The following SLC27A1 variants were observed in gnomAD, a reference collection of about 807,000 sequenced individuals.
SLC27A1 encodes the protein long-chain fatty acid transport protein 1.
In SLC27A1, 61 loss-of-function variants were observed where a neutral mutation model predicts 62.2. The observed-to-expected ratio is 0.98, with a 90% CI of 0.80 to 1.21. The LOEUF (loss-of-function observed/expected upper bound fraction) is 1.21. Ranked by LOEUF, SLC27A1 falls within the 50% of genes most tolerant of loss-of-function variation. SLC27A1 has a pLI of 0.00. For synonymous variants in SLC27A1, 435 were observed against 408.6 expected, an observed-to-expected ratio of 1.06 and a Z score of -0.78; for missense variants, 903 against 932.1, an observed-to-expected ratio of 0.97 and a Z score of 0.41.
intron 6 of SLC27A1, 82 bp downstream of exon 6, chr19:17,489,199 C>T (rs1300967433): frequency 3.5e-6 from 4 of 1,158,360 alleles, no homozygotes; most frequent in Non-Finnish European, 5.0e-6. Flanking sequence ...CACCTCCTCC[C>T]GGTGAGGCCC....
At chr19:17,480,995 G>A (rs2075172341) in intron 1 of SLC27A1, among the ~76,000 whole-genome samples, 2 of 151,092 alleles carry the variant, frequency 1.3e-5, no homozygotes, top group Non-Finnish European at 1.5e-5. Context: ...ACGCGATCTC[G>A]GCTCACCGCA....
rs778554121 is a variant in SLC27A1 at position 17,489,036 on chromosome 19, C to T, written c.915C>T (p.Leu305=). Residue 305 remains leucine, a synonymous_variant, in exon 6 of 12, where the codon CTC becomes CTT. Transcript: ENST00000252595. The stretch of plus-strand genomic sequence containing the variant: ...ACATCATCGGCGTGGGGCAGTGTCT[C>T]ATCTATGGGCTGACAGTCGTCCTCC... ...AGNIIGVGQC[L]IYGLTVVLRK... 23 of 1,614,014 alleles carry T rather than the reference C, an allele frequency of 1.4e-5. No individual in the cohort carries two copies. Among genetic ancestry groups the T allele is most frequent in the Non-Finnish European group, 1.9e-5 (23 of 1,180,022 alleles).
At chr19:17,469,427 C>T (rs2075051782), upstream of SLC27A1, among the ~76,000 whole-genome samples, 1 of 151,936 alleles carries the variant, frequency 6.6e-6, no homozygotes, top group South Asian at 2.1e-4. Flanking sequence ...ATTTTTGGTC[C>T]CCCGGGGTAG....
Position 17,486,318 on chromosome 19 carries a change from A to G in SLC27A1, c.168-245A>G, listed in dbSNP as rs1245556945. Among the ~76,000 whole-genome samples, 1 of 152,196 alleles carries G rather than the reference A, an allele frequency of 6.6e-6. No individual in the cohort carries two copies. The highest frequency in any genetic ancestry group is 1.5e-5 in the Non-Finnish European group (1 of 68,000). ...CCAGCTCCCCCAGGGCCACCAAGCC[A>G]GCTGGGGTATGGGGGAGGACAGGGT... On this transcript the variant is annotated intron_variant, in intron 1 of 11. Transcript: ENST00000252595. This position sits in a 1 kb window ranked among gnomAD's most constrained non-coding sequence, Gnocchi z 6.6.
intron 11 of SLC27A1, chr19:17,503,683 G>C (rs192814661): frequency 4.8e-4 from 73 of 151,918 alleles, no homozygotes; most frequent in African/African-American, 1.7e-3. Flanking sequence ...TGTAATCCCA[G>C]CATTTTGAGA....
rs2075193384 is a variant in SLC27A1, at chr19:17,482,917, G to T, written c.168-3646G>T. Among the ~76,000 whole-genome samples the T allele has an allele frequency of 2.0e-5, 3 of 152,284 alleles. No individual in the cohort carries two copies. In the South Asian group the frequency reaches 6.2e-4, roughly 32 times the overall value. On this transcript the variant is annotated intron_variant, in intron 1 of 11. Coordinates refer to ENST00000252595, the MANE Select transcript of SLC27A1 (RefSeq NM_198580.3). ...GCATAGATGCTAGAGATGCACAGAT[G>T]CTAGAGATGCACAGATGCACAGATC...
In SLC27A1 at chr19:17,477,240, C is replaced by CTTTTTTTTTTTTTTTTTTTTTTT. The variant is rs1221324202; in HGVS notation, c.167+6535_167+6557dup. ...TTATTGGTTGAATGGATGAGCAGCG[C>CTTTTTTTTTTTTTTTTTTTTTTT]TTTTTTTTTTTTTTTTTTTTTTTTG... On this transcript the variant is annotated intron_variant, in intron 1 of 11. Coordinates refer to ENST00000252595, the MANE Select transcript of SLC27A1 (RefSeq NM_198580.3). Among the ~76,000 whole-genome samples the CTTTTTTTTTTTTTTTTTTTTTTT allele has an allele frequency of 2.3e-4, 10 of 43,816 alleles. 2 individuals carry two copies. The highest frequency in any genetic ancestry group is 7.1e-4 in the Admixed American group (2 of 2,832). The allele number at this position is 43,816 out of a possible 152,430, so 28.7% of individuals were successfully genotyped here.
At chr19:17,480,347 A>C (rs2075163691) in intron 1 of SLC27A1, among the ~76,000 whole-genome samples, 1 of 151,428 alleles carries the variant, frequency 6.6e-6, no homozygotes, top group Non-Finnish European at 1.5e-5. Flanking sequence ...AAAATTTTTG[A>C]GACATATATT....
At chr19:17,483,626 C>G (rs531515525) in intron 1 of SLC27A1, among the ~76,000 whole-genome samples, 8 of 152,202 alleles carry the variant, frequency 5.3e-5, no homozygotes, top group East Asian at 1.9e-4. Context: ...ATGCTCTCCC[C>G]CAACAGACCC....
At chr19:17,487,034 A>G in intron 2 of SLC27A1, 77 bp downstream of exon 2, 5 of 1,539,764 alleles carry the variant, frequency 3.2e-6, no homozygotes, top group Non-Finnish European at 4.4e-6. Flanking sequence ...GCTGCGCCCC[A>G]GGCCTCGGAA....
intron 6 of SLC27A1, among the ~76,000 whole-genome samples, chr19:17,493,656 G>T (rs1479125933): frequency 6.7e-6 from 1 of 150,102 alleles, no homozygotes; most frequent in Non-Finnish European, 1.5e-5. Flanking sequence ...ACACAGTCTC[G>T]CTGCATCTCC....
chr19:17,480,541 C>CTTTTTTTTTTTTTTTTTTTT (rs3079223), intron 1 of SLC27A1, among the ~76,000 whole-genome samples: 1 of 111,776 alleles, frequency 8.9e-6, no homozygotes, highest in Non-Finnish European at 1.7e-5. Flanking sequence ...TAATTTTTTT[C>CTTTTTTTTTTTTTTTTTTTT]TTTTTTTTTT....
At chr19:17,490,200 G>A (rs972066802) in intron 6 of SLC27A1, 1 of 152,138 alleles carries the variant, frequency 6.6e-6, no homozygotes, top group Non-Finnish European at 1.5e-5. Context: ...TGCCCAGACT[G>A]GAGTGCAGTG....
chr19:17,490,560 T>C (rs1005435906), intron 6 of SLC27A1, among the ~76,000 whole-genome samples: 5 of 152,018 alleles, frequency 3.3e-5, no homozygotes, highest in Admixed American at 2.6e-4. Context: ...CCAGAGGCTA[T>C]CAGATACCCT....
intron 4 of SLC27A1, 143 bp from the exon 5 acceptor site, chr19:17,488,705 C>T (rs1305074421): frequency 2.2e-5 from 15 of 677,134 alleles, no homozygotes; most frequent in East Asian, 5.5e-5. Context: ...TTGTTGGTTG[C>T]GTGTTTCCTT....
At position 17,500,285 on chromosome 19, in the gene SLC27A1, C is replaced by A; in HGVS notation, c.1214C>A (p.Ser405Tyr). The A allele has an allele frequency of 6.2e-7, 1 of 1,614,058 alleles. No homozygotes were observed. Among genetic ancestry groups the A allele is most frequent in the Non-Finnish European group, 8.5e-7 (1 of 1,179,930 alleles). The change falls in exon 8 of 12, where the codon TCC becomes TAC. Residue 405 changes from serine to tyrosine, a missense_variant. Physicochemically the swap from Ser to Tyr is moderately radical, Grantham distance 144. Coordinates refer to ENST00000252595, the MANE Select transcript of SLC27A1 (RefSeq NM_198580.3). ...CAGTTCACCCCATTCCAGGTCGGCTCCTGTGGTTTCAACAGCCGCATCCTG... is the reference window on the plus strand; with the variant it reads ...CAGTTCACCCCATTCCAGGTCGGCTACTGTGGTTTCAACAGCCGCATCCTG... The part of the protein sequence containing the change: ...SIANMDGKVG[S>Y]CGFNSRILPH...
At chr19:17,472,058 T>G (rs2075081625) in intron 1 of SLC27A1, among the ~76,000 whole-genome samples, 1 of 152,208 alleles carries the variant, frequency 6.6e-6, no homozygotes, top group Non-Finnish European at 1.5e-5. Context: ...TGCTGAATTT[T>G]CCTGCTCAGC....
In SLC27A1 at chr19:17,505,375, T is replaced by C; in HGVS notation, c.*763T>C. 6.2e-6 allele frequency: 1 copy of C among 160,756 alleles called. No individual in the cohort carries two copies. Among genetic ancestry groups the C allele is most frequent in the Non-Finnish European group, 1.4e-5 (1 of 72,498 alleles). The allele number at this position is 160,756 out of a possible 1,614,324, so 10.0% of individuals were successfully genotyped here. A position where few individuals can be genotyped will look rare whatever the true frequency, so the allele number is the denominator to read the frequency against. On this transcript the variant is annotated 3_prime_UTR_variant, in exon 12 of 12. Coordinates refer to ENST00000252595, the MANE Select transcript of SLC27A1 (RefSeq NM_198580.3). ...TTACGGAGCCCCGATCCAGGCCTCC[T>C]GTGGCTGTTGGGTTCCAGATGCTGC... is the stretch of plus-strand genomic sequence containing the variant.
rs113492905 is a variant in SLC27A1, at chr19:17,475,694, A to T, written c.167+4987A>T. ...CCGCACTGGAGTGGTTGGGGTGCTAAATTTAGACCTTGGCTTCAGAAAATA... is the reference window on the plus strand; with the variant it reads ...CCGCACTGGAGTGGTTGGGGTGCTATATTTAGACCTTGGCTTCAGAAAATA... On this transcript the variant is annotated intron_variant, in intron 1 of 11. Coordinates refer to ENST00000252595, the MANE Select transcript of SLC27A1 (RefSeq NM_198580.3). Among the ~76,000 whole-genome samples, 675 of 152,238 alleles carry T rather than the reference A, an allele frequency of 4.4e-3. 3 individuals are homozygous for T. Among genetic ancestry groups the T allele is most frequent in the African/African-American group, 0.016 (648 of 41,540 alleles).
Sources: gnomAD v4.1 joint callset for allele counts (sites outside exome capture counted in the v4.1 genomes callset) on GRCh38, gnomAD v4.1.1 for gene constraint, Gnocchi (gnomAD v3.1) non-coding constraint, MANE v1.5 for transcripts, NCBI Gene and HGNC (gene_info 2026-07-23, HGNC 2026-07-21) for gene names.